Variants in SFI1 observed in about 807,000 individuals in gnomAD.
SFI1 encodes SFI1 centrin binding protein, also known as protein SFI1 homolog.
In SFI1, 195 loss-of-function variants were observed where a neutral mutation model predicts 207.5. The observed-to-expected ratio is 0.94, with a 90% CI of 0.84 to 1.06. The LOEUF is 1.06. Among genes scored for constraint, SFI1 ranks in the 50% least tolerant of loss-of-function variants. The probability of loss-of-function intolerance (pLI) is 0.00; values close to 1 mark genes in which losing one functional copy is unlikely to be tolerated. For missense variants in SFI1, 1,634 were observed against 1,588.0 expected, an observed-to-expected ratio of 1.03 and a Z score of -0.49; for synonymous variants, 630 against 598.9, an observed-to-expected ratio of 1.05 and a Z score of -0.76.
Position 31,589,594 on chromosome 22 carries a change from C to T in SFI1, c.1544+17C>T. The T allele has an allele frequency of 6.2e-7, 1 of 1,603,880 alleles. No individual in the cohort carries two copies. Among genetic ancestry groups the T allele is most frequent in the Non-Finnish European group, 8.5e-7 (1 of 1,176,512 alleles). On this transcript the variant is annotated intron_variant, in intron 15 of 32. Coordinates refer to ENST00000400288, the MANE Select transcript of SFI1 (RefSeq NM_001007467.3). ...TTTCCACAGGTATGTTGCGCAGCTC[C>T]TGTCTGCACTGGGGCAGGTGTTTCA...
intron 27 of SFI1, 54 bp from the exon 28 acceptor site, chr22:31,614,735 C>A (rs55854233): frequency 2.8e-5 from 45 of 1,581,846 alleles, no homozygotes; most frequent in Admixed American, 1.7e-5. Flanking sequence ...AGATCTCAGA[C>A]CCCCCTGCAG....
chr22:31,589,656 G>T, intron 15 of SFI1, 79 bp downstream of exon 15: 1 of 1,471,490 alleles, frequency 6.8e-7, no homozygotes. Flanking sequence ...CATTTGCTGT[G>T]CTTTTCAGCT....
chr22:31,578,810 T>A (rs1489303404), intron 11 of SFI1, among the ~76,000 whole-genome samples: 1 of 152,292 alleles, frequency 6.6e-6, no homozygotes, highest in East Asian at 1.9e-4. Flanking sequence ...TACCTGCTAC[T>A]CTTCCCTTCC....
intron 1 of SFI1, among the ~76,000 whole-genome samples, chr22:31,498,136 A>G (rs376851517): frequency 6.6e-6 from 1 of 152,164 alleles, no homozygotes; most frequent in East Asian, 1.9e-4. Context: ...CAACTAAAAA[A>G]TACAAAATAT....
rs149005600 is a variant in SFI1, at chr22:31,596,826, C to T, written c.1545-5386C>T. On this transcript the variant is annotated intron_variant, in intron 15 of 32. Transcript: ENST00000400288. ...ATGGCTTCAGTACTGAAAACACGCA[C>T]ACACAGTACCCGTTTCTAAATGGCT... Among the ~76,000 whole-genome samples, 549 of 150,888 alleles carry T rather than the reference C, an allele frequency of 3.6e-3. 3 individuals carry two copies. Among genetic ancestry groups the T allele is most frequent in the South Asian group, 7.3e-3 (35 of 4,762 alleles).
intron 8 of SFI1, among the ~76,000 whole-genome samples, chr22:31,562,557 T>C (rs1327178660): frequency 1.3e-5 from 2 of 152,298 alleles, no homozygotes; most frequent in South Asian, 2.1e-4. Flanking sequence ...TCCCATATTA[T>C]TGTTAAGGGA....
chr22:31,558,916 A>C (rs975318093), intron 7 of SFI1, among the ~76,000 whole-genome samples: 9 of 152,096 alleles, frequency 5.9e-5, no homozygotes, highest in Non-Finnish European at 1.2e-4. Context: ...TCCTGGGTTC[A>C]AGTGATTCTC....
chr22:31,550,554 G>A (rs1352713237), intron 6 of SFI1: 2 of 496,654 alleles, frequency 4.0e-6, no homozygotes, highest in Non-Finnish European at 7.2e-6. Context: ...ATATGGCATG[G>A]TTTGAGCCCT....
chr22:31,601,539 C>T (rs900428291), intron 15 of SFI1, among the ~76,000 whole-genome samples: 1 of 152,182 alleles, frequency 6.6e-6, no homozygotes, highest in Non-Finnish European at 1.5e-5. Context: ...TTCAACAGGT[C>T]CCCAAAGCGT....
At chr22:31,498,425 T>C (rs2053129642) in intron 1 of SFI1, among the ~76,000 whole-genome samples, 1 of 151,880 alleles carries the variant, frequency 6.6e-6, no homozygotes, top group South Asian at 2.1e-4. Context: ...ACATTCATGA[T>C]TTGTGGGAAG....
intron 1 of SFI1, among the ~76,000 whole-genome samples, chr22:31,496,935 G>T (rs1013952171): frequency 2.6e-5 from 4 of 152,200 alleles, no homozygotes; most frequent in Non-Finnish European, 4.4e-5. Flanking sequence ...CGTCTAGTGC[G>T]CTCCTGGCCG....
At position 31,583,903 on chromosome 22, in the gene SFI1, G is replaced by A. The variant is rs374895643; in HGVS notation, c.1277G>A (p.Arg426Gln). Residue 426 changes from arginine (R) to glutamine (Q), a missense_variant, in exon 13 of 33, where the codon CGG becomes CAG. Transcript: ENST00000400288. The stretch of plus-strand genomic sequence containing the variant: ...CTGCACAGGTTCTGGAACCTCTGGC[G>A]GTCTCAGATTGAGCAGAAAAAGGAA... ...TLLHRFWNLW[R>Q]SQIEQKKERE... 4.2e-5 allele frequency: 68 copies of A among 1,613,920 alleles called. 1 individual carries two copies. In the Admixed American group the frequency reaches 6.8e-4, roughly 16 times the overall value.
chr22:31,525,640 C>T (rs1316185024), intron 2 of SFI1, among the ~76,000 whole-genome samples: 1 of 152,102 alleles, frequency 6.6e-6, no homozygotes, highest in Admixed American at 6.6e-5. Flanking sequence ...TCACCTGAAT[C>T]TGGGAGGTCA....
At chr22:31,531,526 G>C (rs2058523183) in intron 4 of SFI1, among the ~76,000 whole-genome samples, 1 of 151,900 alleles carries the variant, frequency 6.6e-6, no homozygotes, top group South Asian at 2.1e-4. Flanking sequence ...TTGGGAGGCC[G>C]AGGCGGGTGA....
intron 14 of SFI1, among the ~76,000 whole-genome samples, chr22:31,586,632 A>G (rs2065060844): frequency 6.6e-6 from 1 of 152,196 alleles, no homozygotes; most frequent in South Asian, 2.1e-4. Flanking sequence ...GCCACTTGTT[A>G]TCTTAAGTTC....
At chr22:31,602,122 G>A in intron 15 of SFI1, 90 bp from the exon 16 acceptor site, 2 of 1,139,926 alleles carry the variant, frequency 1.8e-6, no homozygotes, top group South Asian at 1.2e-5. Flanking sequence ...TGGTATAAAA[G>A]GAAAAATCCA....
chr22:31,615,090 A>G lies in SFI1; in HGVS notation c.3111A>G (p.Pro1037=), dbSNP rs1454736010. 2.9e-5 allele frequency: 46 copies of G among 1,607,272 alleles called. No homozygotes were observed. Among genetic ancestry groups the G allele is most frequent in the Non-Finnish European group, 3.8e-5 (45 of 1,177,068 alleles). ...PQEHGLGMAQ[P]AAPSLTRPFL... ...AACATGGCCTAGGCATGGCTCAGCC[A>G]GCAGCCCCCTCCCTGACGCGGCCCT... Residue 1037 remains proline (P), a synonymous_variant, in exon 29 of 33, where the codon CCA becomes CCG. Coordinates refer to ENST00000400288, the MANE Select transcript of SFI1 (RefSeq NM_001007467.3).
chr22:31,540,716 G>C (rs1335286476), intron 4 of SFI1, among the ~76,000 whole-genome samples: 1 of 151,830 alleles, frequency 6.6e-6, no homozygotes, highest in Admixed American at 6.6e-5. Context: ...AAGTAGCTGA[G>C]ACCATAGGCA....
chr22:31,564,837 G>A (rs137984795), intron 8 of SFI1, among the ~76,000 whole-genome samples: 1,437 of 60,466 alleles, frequency 0.024, 30 homozygotes, highest in African/African-American at 0.11. Flanking sequence ...TTTTTGAGAC[G>A]GAGTCTTGCT....
Sources: gnomAD v4.1 joint callset for allele counts (sites outside exome capture counted in the v4.1 genomes callset) on GRCh38, gnomAD v4.1.1 for gene constraint, MANE v1.5 for transcripts, NCBI Gene and HGNC (gene_info 2026-07-23, HGNC 2026-07-21) for gene names.